Variants in KCNIP4 observed in about 807,000 individuals in gnomAD.
KCNIP4 encodes the protein potassium voltage-gated channel interacting protein 4.
In KCNIP4, 12 loss-of-function variants were observed where a neutral mutation model predicts 34.0. The ratio of observed to expected loss-of-function variants is 0.35; its 90% CI spans 0.23 to 0.57. The LOEUF is 0.57. Ranked by LOEUF, KCNIP4 falls within the 20% of genes least tolerant of loss-of-function variation. The pLI is 0.83. For synonymous variants in KCNIP4, 124 were observed against 102.2 expected (o/e 1.21, Z -1.29); for missense variants, 238 against 311.7 (o/e 0.76, Z 1.78).
At chr4:21,523,458 T>C (rs1735711270) in intron 1 of KCNIP4, among the ~76,000 whole-genome samples, 2 of 152,282 alleles carry the variant, frequency 1.3e-5, no homozygotes, top group African/African-American at 4.8e-5. Context: ...GCATCAATTT[T>C]GGTAATTTGA....
At chr4:21,519,639 T>TGTGTATATACACAC (rs1735260644) in intron 1 of KCNIP4, among the ~76,000 whole-genome samples, 1 of 118,104 alleles carries the variant, frequency 8.5e-6, no homozygotes, top group African/African-American at 3.3e-5. Context: ...TATACACAAA[T>TGTGTATATACACAC]GTGTGTGTAT....
intron 1 of KCNIP4, among the ~76,000 whole-genome samples, chr4:21,581,403 T>C (rs1048100075): frequency 1.3e-5 from 2 of 151,964 alleles, no homozygotes; most frequent in African/African-American, 4.8e-5. Flanking sequence ...TTGATCCTTA[T>C]ATAATAAAAC....
At chr4:20,962,583 T>C (rs775490593) in intron 1 of KCNIP4, among the ~76,000 whole-genome samples, 1 of 152,206 alleles carries the variant, frequency 6.6e-6, no homozygotes, top group Non-Finnish European at 1.5e-5. Flanking sequence ...ACATTGGGCA[T>C]GGATGGAAGC....
chr4:21,314,773 T>C (rs937879673), intron 1 of KCNIP4, among the ~76,000 whole-genome samples: 1 of 152,196 alleles, frequency 6.6e-6, no homozygotes, highest in Non-Finnish European at 1.5e-5. Context: ...TTAGACTATA[T>C]GTTGAATAGC....
At chr4:21,077,074 T>A (rs1745554064) in intron 1 of KCNIP4, among the ~76,000 whole-genome samples, 1 of 151,980 alleles carries the variant, frequency 6.6e-6, no homozygotes, top group African/African-American at 2.4e-5. Context: ...GCAGTGACAG[T>A]GAGCTGAAAT....
chr4:21,593,626 C>T lies in KCNIP4; in HGVS notation c.61+354945G>A, dbSNP rs1161472086. Among the ~76,000 whole-genome samples the T allele has an allele frequency of 2.0e-5, 3 of 152,068 alleles. No homozygotes were observed. The East Asian group carries it at 5.8e-4, about 29-fold the overall frequency. Reference sequence around the variant, plus strand: ...CAATTTCCATGCCAAGTCATCTCTCCCACCCTCCTTATTGCCCCACAACCT... The same window carrying T: ...CAATTTCCATGCCAAGTCATCTCTCTCACCCTCCTTATTGCCCCACAACCT... On this transcript the variant is annotated intron_variant, in intron 1 of 8. Transcript: ENST00000382152.
intron 1 of KCNIP4, among the ~76,000 whole-genome samples, chr4:21,788,910 T>C (rs1331908657): frequency 6.6e-6 from 1 of 151,754 alleles, no homozygotes; most frequent in Non-Finnish European, 1.5e-5. Flanking sequence ...TCGTCTCTAC[T>C]AAAAATACAA....
chr4:21,265,901 G>C (rs991214066), intron 1 of KCNIP4, among the ~76,000 whole-genome samples: 3 of 152,174 alleles, frequency 2.0e-5, no homozygotes, highest in African/African-American at 7.2e-5. Flanking sequence ...TATAAACAAG[G>C]TAATTATTCA....
chr4:20,785,429 C>A (rs1238144427), intron 3 of KCNIP4, among the ~76,000 whole-genome samples: 1 of 151,476 alleles, frequency 6.6e-6, no homozygotes, highest in African/African-American at 2.4e-5. Context: ...CTGCAGATAC[C>A]ACTTAGGAAG....
intron 1 of KCNIP4, among the ~76,000 whole-genome samples, chr4:21,463,889 T>C (rs1468028617): frequency 6.6e-6 from 1 of 152,224 alleles, no homozygotes; most frequent in East Asian, 1.9e-4. Flanking sequence ...TCATTTTACT[T>C]GTAATAAGTT....
intron 2 of KCNIP4, 172 bp from the exon 3 acceptor site, chr4:20,850,839 A>G: frequency 1.8e-6 from 1 of 570,302 alleles, no homozygotes; most frequent in Admixed American, 3.5e-5. Context: ...AAGCGTATTA[A>G]GCTAAAACAC....
chr4:20,829,213 TA>T (rs1229210626), intron 3 of KCNIP4, among the ~76,000 whole-genome samples: 1 of 8,408 alleles, frequency 1.2e-4, no homozygotes, highest in Non-Finnish European at 3.4e-4. Flanking sequence ...TTTTTTATTT[TA>T]TTTTTTTTTT....
intron 1 of KCNIP4, among the ~76,000 whole-genome samples, chr4:20,999,382 C>T (rs1428948986): frequency 6.7e-6 from 1 of 148,204 alleles, no homozygotes; most frequent in Non-Finnish European, 1.5e-5. Context: ...GTCTTTAGAG[C>T]ACCCAAAAAA....
intron 1 of KCNIP4, among the ~76,000 whole-genome samples, chr4:20,894,957 C>T (rs989088229): frequency 6.6e-6 from 1 of 152,170 alleles, no homozygotes; most frequent in Non-Finnish European, 1.5e-5. Flanking sequence ...TTAACCTTCA[C>T]AAGAGCCCCA....
chr4:21,745,282 C>T (rs1716695552), intron 1 of KCNIP4, among the ~76,000 whole-genome samples: 1 of 152,160 alleles, frequency 6.6e-6, no homozygotes, highest in South Asian at 2.1e-4. Context: ...GTGTCCTTCA[C>T]TTGAAATAAG....
chr4:21,340,080 T>A (rs1352052169), intron 1 of KCNIP4, among the ~76,000 whole-genome samples: 1 of 152,148 alleles, frequency 6.6e-6, no homozygotes, highest in Non-Finnish European at 1.5e-5. Flanking sequence ...AAATTGAGTG[T>A]CAGAAAGAGC....
intron 1 of KCNIP4, among the ~76,000 whole-genome samples, chr4:21,060,121 G>C (rs183034088): frequency 1.3e-5 from 2 of 151,968 alleles, no homozygotes; most frequent in Admixed American, 6.6e-5. Flanking sequence ...CCAGTTTCTT[G>C]GTGTTCTTTT....
chr4:21,097,275 G>T (rs894350143), intron 1 of KCNIP4, among the ~76,000 whole-genome samples: 2 of 152,130 alleles, frequency 1.3e-5, no homozygotes, highest in African/African-American at 4.8e-5. Flanking sequence ...TATAAAAAAG[G>T]ACAAAGATAC....
intron 1 of KCNIP4, among the ~76,000 whole-genome samples, chr4:21,088,879 T>TGAA (rs1209731701): frequency 7.9e-6 from 1 of 127,136 alleles, no homozygotes; most frequent in East Asian, 2.0e-4. Flanking sequence ...AGAAACTCCA[T>TGAA]GAAGCAACTA....
Sources: allele counts gnomAD v4.1 joint callset (sites outside exome capture counted in the v4.1 genomes callset), GRCh38; gene constraint gnomAD v4.1.1; transcripts MANE v1.5; gene names NCBI Gene and HGNC (gene_info 2026-07-23, HGNC 2026-07-21).